DCLK2: variants seen among roughly 807,000 people sequenced by gnomAD.
DCLK2 encodes serine/threonine-protein kinase DCLK2.
Under a neutral mutation model 78.4 loss-of-function variants are expected in DCLK2, and 31 were observed. The observed-to-expected ratio is 0.40, with a 90% CI of 0.30 to 0.53. DCLK2 has a LOEUF of 0.53. DCLK2 is among the 20% of genes least tolerant of loss of function. DCLK2 has a pLI of 0.61. For missense variants in DCLK2, 872 were observed against 973.7 expected (o/e 0.90, Z 1.39); for synonymous variants, 407 against 374.9 (o/e 1.09, Z -0.99).
chr4:150,190,338 G>A (rs1264664062), intron 2 of DCLK2, among the ~76,000 whole-genome samples: 1 of 152,092 alleles, frequency 6.6e-6, no homozygotes, highest in Non-Finnish European at 1.5e-5. Flanking sequence ...TGTCAGAAAG[G>A]CCTGGGAAAC....
chr4:150,237,336 T>G (rs1024932788), intron 10 of DCLK2, among the ~76,000 whole-genome samples: 2 of 152,170 alleles, frequency 1.3e-5, no homozygotes, highest in Admixed American at 6.5e-5. Flanking sequence ...ATCCGTTACT[T>G]TAGGCTGAAT....
intron 1 of DCLK2, among the ~76,000 whole-genome samples, chr4:150,099,751 G>C (rs540890242): frequency 6.6e-6 from 1 of 152,262 alleles, no homozygotes; most frequent in South Asian, 2.1e-4. Context: ...AAAGAAAACA[G>C]GGCCATGGGT....
At chr4:150,121,651 T>C (rs1010352848) in intron 2 of DCLK2, among the ~76,000 whole-genome samples, 1 of 152,248 alleles carries the variant, frequency 6.6e-6, no homozygotes, top group Non-Finnish European at 1.5e-5. Flanking sequence ...GAATCATAAA[T>C]GTTCTTCATG....
intron 2 of DCLK2, among the ~76,000 whole-genome samples, chr4:150,155,455 G>A (rs1023881069): frequency 6.6e-6 from 1 of 152,164 alleles, no homozygotes; most frequent in Non-Finnish European, 1.5e-5. Flanking sequence ...TTTGTATGCA[G>A]CAAAGCGCTA....
chr4:150,087,242 CA>C (rs1220971039), intron 1 of DCLK2, among the ~76,000 whole-genome samples: 4 of 152,162 alleles, frequency 2.6e-5, no homozygotes, highest in Admixed American at 6.5e-5. Context: ...TACACTATAA[CA>C]TTTACTGACA....
At chr4:150,196,353 A>G (rs1739030666) in intron 3 of DCLK2, among the ~76,000 whole-genome samples, 2 of 152,192 alleles carry the variant, frequency 1.3e-5, no homozygotes, top group African/African-American at 4.8e-5. Context: ...AATAATCTAC[A>G]CACACCTTTC....
intron 2 of DCLK2, among the ~76,000 whole-genome samples, chr4:150,127,621 C>T (rs1733011338): frequency 6.6e-6 from 1 of 152,170 alleles, no homozygotes; most frequent in Admixed American, 6.5e-5. Flanking sequence ...AACAAAAATA[C>T]AGTAGCAATT....
At chr4:150,243,103 T>G (rs1481990216) in intron 12 of DCLK2, among the ~76,000 whole-genome samples, 2 of 152,196 alleles carry the variant, frequency 1.3e-5, no homozygotes, top group African/African-American at 4.8e-5. Context: ...TGAGAGTTTT[T>G]TCTTTCACTG....
At chr4:150,196,264 T>C (rs987558562) in intron 3 of DCLK2, among the ~76,000 whole-genome samples, 2 of 152,224 alleles carry the variant, frequency 1.3e-5, no homozygotes, top group African/African-American at 4.8e-5. Flanking sequence ...GATATAGTTC[T>C]GCAGTTCTAG....
intron 2 of DCLK2, among the ~76,000 whole-genome samples, chr4:150,186,287 T>A (rs1002576155): frequency 2.0e-5 from 3 of 152,292 alleles, no homozygotes; most frequent in African/African-American, 7.2e-5. Context: ...TCAACTCGTT[T>A]AAAAAATAAA....
chr4:150,088,395 CT>C (rs5862904), intron 1 of DCLK2, among the ~76,000 whole-genome samples: 56,994 of 146,786 alleles, frequency 0.39, 11,042 homozygotes, highest in Non-Finnish European at 0.42. Flanking sequence ...TGGTCCTCAG[CT>C]TTTTTTTTTT....
intron 2 of DCLK2, among the ~76,000 whole-genome samples, chr4:150,168,729 A>G (rs1363851231): frequency 6.6e-6 from 1 of 152,196 alleles, no homozygotes; most frequent in Non-Finnish European, 1.5e-5. Context: ...TAACTTTGCA[A>G]CAATCTGGCA....
chr4:150,235,852 G>A (rs925734009), intron 10 of DCLK2, among the ~76,000 whole-genome samples: 3 of 152,190 alleles, frequency 2.0e-5, no homozygotes, highest in Admixed American at 2.0e-4. Flanking sequence ...CCCGCTCTCC[G>A]GTAAGCAGCA....
At chr4:150,198,717 T>C (rs946965079) in intron 4 of DCLK2, among the ~76,000 whole-genome samples, 1 of 152,174 alleles carries the variant, frequency 6.6e-6, no homozygotes, top group Non-Finnish European at 1.5e-5. Flanking sequence ...TTTATGGGTT[T>C]GTTTATAGTA....
intron 2 of DCLK2, among the ~76,000 whole-genome samples, chr4:150,125,572 C>G (rs2150188585): frequency 6.6e-6 from 1 of 152,220 alleles, no homozygotes; most frequent in South Asian, 2.1e-4. Flanking sequence ...TTATAACTAT[C>G]TAAAAATGAC....
chr4:150,221,469 T>C (rs1741184205), intron 6 of DCLK2, among the ~76,000 whole-genome samples: 1 of 152,224 alleles, frequency 6.6e-6, no homozygotes, highest in East Asian at 1.9e-4. Flanking sequence ...GTTAGGTTTA[T>C]TGATTATAGG....
intron 2 of DCLK2, among the ~76,000 whole-genome samples, chr4:150,188,303 G>A (rs1281290699): frequency 6.6e-6 from 1 of 151,902 alleles, no homozygotes; most frequent in African/African-American, 2.4e-5. Flanking sequence ...GTGAAACCTG[G>A]CCTCTAACAA....
At chr4:150,234,940 G>A (rs1257163658) in intron 10 of DCLK2, among the ~76,000 whole-genome samples, 1 of 152,102 alleles carries the variant, frequency 6.6e-6, no homozygotes, top group African/African-American at 2.4e-5. Context: ...GTTTGGCCCG[G>A]GCTTCGCAAA....
At chr4:150,255,211 A>G (rs756160663) in intron 15 of DCLK2, among the ~76,000 whole-genome samples, 64 of 152,186 alleles carry the variant, frequency 4.2e-4, no homozygotes, top group Non-Finnish European at 7.5e-4. Flanking sequence ...CCTCCTGGCA[A>G]TTGTCCCTTT....
Sources: gnomAD v4.1 joint callset for allele counts (sites outside exome capture counted in the v4.1 genomes callset) on GRCh38, gnomAD v4.1.1 for gene constraint, MANE v1.5 for transcripts, NCBI Gene and HGNC (gene_info 2026-07-23, HGNC 2026-07-21) for gene names.